Variants in NXPE2 observed in about 807,000 individuals in gnomAD.
The protein encoded by NXPE2 is neurexophilin and PC-esterase domain family member 2.
In NXPE2, 34 loss-of-function variants were observed where a neutral mutation model predicts 34.4. That is an observed-to-expected ratio of 0.99 (90% confidence interval 0.75 to 1.31). NXPE2 has a LOEUF of 1.31. NXPE2 is among the 40% of genes most tolerant of loss of function. NXPE2 has a pLI of 0.00. For missense variants in NXPE2, 649 were observed against 672.5 expected (o/e 0.97, Z 0.39); for synonymous variants, 235 against 231.3 (o/e 1.02, Z -0.15).
At chr11:114,740,240 C>T in the NXPE2 span, among the ~76,000 whole-genome samples, 2 of 151,948 alleles carry the variant, frequency 1.3e-5, no homozygotes, top group African/African-American at 4.8e-5. Context: ...ATTTTTAGAC[C>T]ATGGATGACT....
the NXPE2 span, among the ~76,000 whole-genome samples, chr11:114,792,195 G>A: frequency 0.015 from 2,228 of 152,300 alleles, 18 homozygotes; most frequent in Non-Finnish European, 0.025. Context: ...TTAAAAAGGG[G>A]TACTCAGAGC....
chr11:114,580,278 C>T, the NXPE2 span: 14 of 1,613,844 alleles, frequency 8.7e-6, no homozygotes, highest in South Asian at 1.1e-4. Flanking sequence ...CCAGACATGC[C>T]CACTGGGGAT....
chr11:114,508,265 A>C, the NXPE2 span, among the ~76,000 whole-genome samples: 1 of 152,234 alleles, frequency 6.6e-6, no homozygotes, highest in Admixed American at 6.5e-5. Context: ...AAATGGGAAA[A>C]CATTTCATGC....
the NXPE2 span, among the ~76,000 whole-genome samples, chr11:114,738,305 C>T: frequency 1.3e-5 from 2 of 152,208 alleles, no homozygotes; most frequent in East Asian, 3.9e-4. Context: ...GTATGTTATC[C>T]AAGTGATTTC....
the NXPE2 span, among the ~76,000 whole-genome samples, chr11:114,716,184 C>T: frequency 1.7e-4 from 26 of 152,088 alleles, 1 homozygote; most frequent in Admixed American, 1.4e-3. Flanking sequence ...CCAATGGTGC[C>T]GTTGGAAGAA....
chr11:114,481,778 C>A, the NXPE2 span, among the ~76,000 whole-genome samples: 2 of 152,036 alleles, frequency 1.3e-5, no homozygotes, highest in Admixed American at 6.5e-5. Context: ...AATCTATCTC[C>A]CTTCTAAAGG....
At chr11:114,812,794 T>G in the NXPE2 span, among the ~76,000 whole-genome samples, 1 of 151,762 alleles carries the variant, frequency 6.6e-6, no homozygotes, top group African/African-American at 2.4e-5. Flanking sequence ...AGGGTGAAGG[T>G]GGGGGAGAAG....
chr11:114,691,524 C>T (rs943181455), intron 2 of NXPE2, among the ~76,000 whole-genome samples: 2 of 152,106 alleles, frequency 1.3e-5, no homozygotes, highest in Admixed American at 6.5e-5. Context: ...AAGTGTGAAT[C>T]GTGCCCTCTC....
At chr11:114,625,963 C>A in the NXPE2 span, among the ~76,000 whole-genome samples, 2 of 151,812 alleles carry the variant, frequency 1.3e-5, no homozygotes, top group Admixed American at 1.3e-4. Flanking sequence ...CTGCACTTTT[C>A]CGATGGGCTT....
At chr11:114,698,917 G>T in intron 3 of NXPE2, 139 bp downstream of exon 3, 1 of 843,128 alleles carries the variant, frequency 1.2e-6, no homozygotes, top group Non-Finnish European at 1.8e-6. Context: ...AGTCAGTTCA[G>T]CTTGGAGTGT....
the NXPE2 span, among the ~76,000 whole-genome samples, chr11:114,606,579 A>G: frequency 1.1e-4 from 16 of 151,954 alleles, 1 homozygote; most frequent in African/African-American, 2.4e-4. Context: ...CTGGTTTATT[A>G]TAAGTATTTC....
chr11:114,712,100 A>C, the NXPE2 span, among the ~76,000 whole-genome samples: 1 of 152,224 alleles, frequency 6.6e-6, no homozygotes. Context: ...TACAAAAATT[A>C]ACTCAAAATG....
the NXPE2 span, among the ~76,000 whole-genome samples, chr11:114,756,063 C>T: frequency 6.6e-6 from 1 of 152,166 alleles, no homozygotes; most frequent in Non-Finnish European, 1.5e-5. Flanking sequence ...CTCTTGATAC[C>T]TTACATCCAC....
chr11:114,767,306 T>C, the NXPE2 span, among the ~76,000 whole-genome samples: 4 of 152,170 alleles, frequency 2.6e-5, no homozygotes, highest in African/African-American at 4.8e-5. Context: ...TAGATTGATA[T>C]TATCGTTATC....
the NXPE2 span, among the ~76,000 whole-genome samples, chr11:114,611,642 G>C: frequency 6.8e-6 from 1 of 146,230 alleles, no homozygotes; most frequent in African/African-American, 2.6e-5. Context: ...CTCGTGTGTA[G>C]CCACTGTTAC....
the NXPE2 span, among the ~76,000 whole-genome samples, chr11:114,589,929 C>G: frequency 6.6e-6 from 1 of 152,160 alleles, no homozygotes; most frequent in Admixed American, 6.6e-5. Flanking sequence ...ATCCCTATAC[C>G]TTGCTAATCC....
chr11:114,607,882 G>A, the NXPE2 span, among the ~76,000 whole-genome samples: 9 of 151,682 alleles, frequency 5.9e-5, no homozygotes, highest in Non-Finnish European at 1.3e-4. Flanking sequence ...TGGATAGTAA[G>A]TACTGCCTCG....
chr11:114,636,595 C>G, the NXPE2 span, among the ~76,000 whole-genome samples: 4 of 151,862 alleles, frequency 2.6e-5, no homozygotes, highest in Non-Finnish European at 5.9e-5. Context: ...CTCTTGTGGG[C>G]ATTTAGTGCT....
At chr11:114,785,407 TATC>T in the NXPE2 span, among the ~76,000 whole-genome samples, 4 of 152,196 alleles carry the variant, frequency 2.6e-5, no homozygotes, top group Non-Finnish European at 4.4e-5. Flanking sequence ...ACTCAATTGT[TATC>T]ATTATCTGAA....
Sources: allele counts gnomAD v4.1 joint callset (sites outside exome capture counted in the v4.1 genomes callset), GRCh38; gene constraint gnomAD v4.1.1; transcripts MANE v1.5; gene names NCBI Gene and HGNC (gene_info 2026-07-23, HGNC 2026-07-21).